Variants in SEMA5A observed in about 807,000 individuals in gnomAD.
SEMA5A encodes semaphorin-5A.
In SEMA5A, 55 loss-of-function variants were observed where a neutral mutation model predicts 135.5. The ratio of observed to expected loss-of-function variants is 0.41; its 90% CI spans 0.33 to 0.51. The LOEUF (loss-of-function observed/expected upper bound fraction) is 0.51, where lower values mean the gene tolerates loss of function less well. Among genes scored for constraint, SEMA5A ranks in the 20% least tolerant of loss-of-function variants. The probability of loss-of-function intolerance (pLI) is 0.37; values close to 1 mark genes in which losing one functional copy is unlikely to be tolerated. For synonymous variants in SEMA5A, 580 were observed against 546.5 expected, an observed-to-expected ratio of 1.06 and a Z score of -0.85; for missense variants, 1,290 against 1,419.9, an observed-to-expected ratio of 0.91 and a Z score of 1.47.
At chr5:9,227,562 T>TTG (rs1747382191) in intron 6 of SEMA5A, among the ~76,000 whole-genome samples, 1 of 151,436 alleles carries the variant, frequency 6.6e-6, no homozygotes, top group South Asian at 2.1e-4. Flanking sequence ...TTTTTTTTTT[T>TTG]TTTTTTGAGA....
intron 3 of SEMA5A, among the ~76,000 whole-genome samples, chr5:9,378,672 A>C (rs952965574): frequency 6.6e-6 from 1 of 152,246 alleles, no homozygotes; most frequent in African/African-American, 2.4e-5. Context: ...GTGTGAAATA[A>C]AAGTAAAATA....
chr5:9,275,048 T>C (rs1750182568), intron 5 of SEMA5A, among the ~76,000 whole-genome samples: 1 of 151,950 alleles, frequency 6.6e-6, no homozygotes, highest in South Asian at 2.1e-4. Context: ...CAGGAGCTGG[T>C]TTATTGAAAA....
At chr5:9,355,401 A>G (rs899701772) in intron 3 of SEMA5A, among the ~76,000 whole-genome samples, 6 of 152,214 alleles carry the variant, frequency 3.9e-5, no homozygotes, top group Non-Finnish European at 8.8e-5. Flanking sequence ...GGTCTAGAGA[A>G]GATGGAGGAA....
At chr5:9,527,089 C>T (rs1243374044) in intron 1 of SEMA5A, among the ~76,000 whole-genome samples, 1 of 152,104 alleles carries the variant, frequency 6.6e-6, no homozygotes, top group African/African-American at 2.4e-5. Context: ...AGGGATAGTG[C>T]AGCGACAGGG....
At chr5:9,495,354 G>A (rs1735248355) in intron 1 of SEMA5A, among the ~76,000 whole-genome samples, 1 of 152,170 alleles carries the variant, frequency 6.6e-6, no homozygotes, top group Non-Finnish European at 1.5e-5. Flanking sequence ...AAGCAAGCAA[G>A]TAAATGAGTT....
chr5:9,419,028 A>C (rs967117149), intron 2 of SEMA5A, among the ~76,000 whole-genome samples: 5 of 151,922 alleles, frequency 3.3e-5, no homozygotes, highest in African/African-American at 1.2e-4. Flanking sequence ...TCCTCTTAAC[A>C]CTGCTTTGGC....
At chr5:9,222,710 G>A (rs1460423391) in intron 8 of SEMA5A, among the ~76,000 whole-genome samples, 1 of 152,220 alleles carries the variant, frequency 6.6e-6, no homozygotes, top group Non-Finnish European at 1.5e-5. Context: ...AGAAGACTGT[G>A]ATAAACACTG....
intron 1 of SEMA5A, among the ~76,000 whole-genome samples, chr5:9,477,141 T>G (rs1759699906): frequency 1.3e-5 from 2 of 152,098 alleles, no homozygotes; most frequent in African/African-American, 4.8e-5. Context: ...CTCACCACCA[T>G]GTAAGACGTG....
intron 11 of SEMA5A, among the ~76,000 whole-genome samples, chr5:9,156,648 G>A (rs542463266): frequency 7.2e-5 from 11 of 152,352 alleles, no homozygotes; most frequent in Middle Eastern, 3.4e-3. Flanking sequence ...GGCCTGCCTA[G>A]AGTCAGGATC....
intron 16 of SEMA5A, among the ~76,000 whole-genome samples, chr5:9,086,288 T>C (rs1738684033): frequency 6.6e-6 from 1 of 152,208 alleles, no homozygotes; most frequent in South Asian, 2.1e-4. Context: ...CAGAGTGATA[T>C]GGTTTGGCTC....
chr5:9,312,393 C>T (rs560280853), intron 5 of SEMA5A, among the ~76,000 whole-genome samples: 112 of 151,014 alleles, frequency 7.4e-4, no homozygotes, highest in African/African-American at 2.7e-3. Context: ...AAACAGGTGC[C>T]TTATAAGTGA....
intron 1 of SEMA5A, among the ~76,000 whole-genome samples, chr5:9,464,002 C>A (rs949169074): frequency 4.6e-5 from 7 of 152,110 alleles, no homozygotes; most frequent in African/African-American, 1.7e-4. Flanking sequence ...TTTTCTAAAC[C>A]TCGACACTGT....
chr5:9,267,454 C>T (rs751355084), intron 5 of SEMA5A, among the ~76,000 whole-genome samples: 4 of 152,128 alleles, frequency 2.6e-5, no homozygotes, highest in Non-Finnish European at 5.9e-5. Flanking sequence ...CACCCCATAC[C>T]TTGTACTCTT....
chr5:9,053,645 C>A (rs1736718281), intron 19 of SEMA5A, among the ~76,000 whole-genome samples: 1 of 152,126 alleles, frequency 6.6e-6, no homozygotes, highest in African/African-American at 2.4e-5. Flanking sequence ...CCCACTCAGA[C>A]CTCCAGACTC....
chr5:9,518,622 T>C (rs1341263324), intron 1 of SEMA5A, among the ~76,000 whole-genome samples: 2 of 152,206 alleles, frequency 1.3e-5, no homozygotes, highest in African/African-American at 2.4e-5. Context: ...CCAATTCCAC[T>C]GCCATAAGCA....
At chr5:9,316,875 A>T (rs777749835) in intron 5 of SEMA5A, among the ~76,000 whole-genome samples, 1 of 152,182 alleles carries the variant, frequency 6.6e-6, no homozygotes, top group Admixed American at 6.6e-5. Context: ...TATAGTCACC[A>T]TGTCATACAA....
At chr5:9,492,320 C>T (rs571294133) in intron 1 of SEMA5A, among the ~76,000 whole-genome samples, 1 of 152,272 alleles carries the variant, frequency 6.6e-6, no homozygotes, top group East Asian at 1.9e-4. Context: ...AGAAAACTAA[C>T]GTTCAGAAAG....
intron 4 of SEMA5A, among the ~76,000 whole-genome samples, chr5:9,322,022 TCTCTGTCTACTTGGAGAGGGGA>T (rs1229895273): frequency 2.6e-5 from 4 of 152,120 alleles, no homozygotes; most frequent in African/African-American, 9.7e-5. Context: ...AGCAGAGAGC[TCTCTGTCTACTTGGAGAGGGGA>T]GTGGAGGAGA....
chr5:9,353,804 AAAAAT>A (rs920526723), intron 3 of SEMA5A, among the ~76,000 whole-genome samples: 5 of 152,156 alleles, frequency 3.3e-5, no homozygotes, highest in Non-Finnish European at 7.3e-5. Context: ...CTCTGAGGGA[AAAAAT>A]AAAATAAAAA....
Sources: gnomAD v4.1 joint callset for allele counts (sites outside exome capture counted in the v4.1 genomes callset) on GRCh38, gnomAD v4.1.1 for gene constraint, MANE v1.5 for transcripts, NCBI Gene and HGNC (gene_info 2026-07-23, HGNC 2026-07-21) for gene names.